MORC1: variants seen among roughly 807,000 people sequenced by gnomAD.
The protein encoded by MORC1 is MORC family CW-type zinc finger protein 1.
Under a neutral mutation model 134.9 loss-of-function variants are expected in MORC1, and 59 were observed. That is an observed-to-expected ratio of 0.44 (90% CI 0.35 to 0.54). MORC1 has a LOEUF of 0.54. MORC1 is among the 20% of genes least tolerant of loss of function. The probability of loss-of-function intolerance (pLI) is 0.00; values close to 1 mark genes in which losing one functional copy is unlikely to be tolerated. For synonymous variants in MORC1, 395 were observed against 391.7 expected (o/e 1.01, Z -0.10); for missense variants, 947 against 1,134.5 (o/e 0.83, Z 2.37).
At chr3:108,999,517 G>C (rs1948336084) in intron 21 of MORC1, among the ~76,000 whole-genome samples, 1 of 152,114 alleles carries the variant, frequency 6.6e-6, no homozygotes, top group South Asian at 2.1e-4. Context: ...TAACTTTCTG[G>C]TGAAGGACAT....
At chr3:108,978,589 C>T (rs1345960009) in intron 24 of MORC1, among the ~76,000 whole-genome samples, 1 of 152,148 alleles carries the variant, frequency 6.6e-6, no homozygotes, top group South Asian at 2.1e-4. Context: ...AGTCTCCTCT[C>T]ATAAACAGGA....
intron 6 of MORC1, among the ~76,000 whole-genome samples, chr3:109,096,264 G>T (rs1162921077): frequency 6.6e-6 from 1 of 152,172 alleles, no homozygotes; most frequent in Non-Finnish European, 1.5e-5. Flanking sequence ...AACAGGGGCT[G>T]GGTCAAATAA....
intron 21 of MORC1, among the ~76,000 whole-genome samples, chr3:108,998,380 C>T (rs558178934): frequency 1.2e-4 from 18 of 152,266 alleles, no homozygotes; most frequent in Non-Finnish European, 1.9e-4. Flanking sequence ...TAGTTTCTTA[C>T]ACCTAAAAAT....
chr3:109,001,577 C>T (rs1299651371), intron 20 of MORC1, among the ~76,000 whole-genome samples: 3 of 152,160 alleles, frequency 2.0e-5, no homozygotes, highest in Non-Finnish European at 2.9e-5. Flanking sequence ...CTTCAAATCA[C>T]CCTTTTCCCC....
At chr3:109,027,956 A>C (rs1949124946) in intron 16 of MORC1, 67 bp from the exon 17 acceptor site, 3 of 1,506,920 alleles carry the variant, frequency 2.0e-6, no homozygotes, top group Non-Finnish European at 2.7e-6. Flanking sequence ...TCTGTAAAAG[A>C]CGATTTACTT....
rs536909286 is a variant in MORC1, at chr3:109,105,400, G to A, written c.155-1483C>T. ...TAGCTGGGTGTGGTGGCGTGTGCCT[G>A]TAGTCCCAGCTACTCTGGAGGCTAA... On this transcript the variant is annotated intron_variant, in intron 3 of 27. Transcript: ENST00000232603. 3.9e-5 allele frequency among the ~76,000 whole-genome samples: 6 copies of A among 152,284 alleles called. No homozygotes were observed. In the East Asian group the frequency reaches 1.2e-3, roughly 29 times the overall value.
At chr3:109,040,937 T>C (rs1008557539) in intron 14 of MORC1, among the ~76,000 whole-genome samples, 5 of 133,014 alleles carry the variant, frequency 3.8e-5, no homozygotes, top group African/African-American at 9.1e-5. Flanking sequence ...AAAAAGAAAA[T>C]AGAAATTATG....
At chr3:109,043,188 TGG>T (rs112162969) in intron 14 of MORC1, among the ~76,000 whole-genome samples, 3,202 of 55,526 alleles carry the variant, frequency 0.058, 57 homozygotes, top group Admixed American at 0.096. Flanking sequence ...TGGCAAAATG[TGG>T]GGGGGGGGGG....
At chr3:109,007,647 AC>A (rs1172135665) in intron 17 of MORC1, among the ~76,000 whole-genome samples, 1 of 151,916 alleles carries the variant, frequency 6.6e-6, no homozygotes, top group African/African-American at 2.4e-5. Flanking sequence ...AATTCCACTC[AC>A]CCTTCAAGTC....
intron 23 of MORC1, among the ~76,000 whole-genome samples, chr3:108,983,822 C>G (rs901649927): frequency 2.6e-5 from 4 of 152,054 alleles, no homozygotes; most frequent in African/African-American, 9.7e-5. Flanking sequence ...ATATGAGTTG[C>G]TGAGGGCATT....
At chr3:109,048,351 A>T (rs1949743974) in intron 14 of MORC1, among the ~76,000 whole-genome samples, 1 of 152,222 alleles carries the variant, frequency 6.6e-6, no homozygotes, top group Non-Finnish European at 1.5e-5. Flanking sequence ...TTACTTTTAG[A>T]AATGAATGCT....
chr3:109,082,884 A>T (rs2107737053), intron 8 of MORC1, among the ~76,000 whole-genome samples: 1 of 152,240 alleles, frequency 6.6e-6, no homozygotes, highest in East Asian at 1.9e-4. Flanking sequence ...ATAACAGAAA[A>T]TTTTCCCAAA....
chr3:109,099,176 G>C (rs942989799), intron 6 of MORC1, among the ~76,000 whole-genome samples, 182 bp downstream of exon 6: 4 of 152,248 alleles, frequency 2.6e-5, no homozygotes, highest in Middle Eastern at 3.4e-3. Flanking sequence ...CTCAGGAAAG[G>C]GTCAAGAGGA....
At chr3:108,995,980 G>A (rs375617460) in intron 21 of MORC1, among the ~76,000 whole-genome samples, 1 of 152,210 alleles carries the variant, frequency 6.6e-6, no homozygotes, top group South Asian at 2.1e-4. Flanking sequence ...TTCATGTAGG[G>A]GACAGTTATG....
chr3:109,009,209 T>TG (rs1455329532), intron 17 of MORC1, among the ~76,000 whole-genome samples: 2 of 140,498 alleles, frequency 1.4e-5, no homozygotes, highest in East Asian at 2.0e-4. Context: ...TTTTTGTTGT[T>TG]TTTTTTTTTT....
intron 17 of MORC1, among the ~76,000 whole-genome samples, chr3:109,009,210 T>C (rs570407265): frequency 6.9e-6 from 1 of 145,362 alleles, no homozygotes; most frequent in African/African-American, 2.6e-5. Context: ...TTTTGTTGTT[T>C]TTTTTTTTTT....
At chr3:109,091,533 A>G (rs1243042812) in intron 8 of MORC1, among the ~76,000 whole-genome samples, 1 of 152,088 alleles carries the variant, frequency 6.6e-6, no homozygotes, top group Non-Finnish European at 1.5e-5. Context: ...AGGAGACAGT[A>G]GGTCAAAATC....
At chr3:109,112,290 A>C (rs1394894387) in intron 2 of MORC1, among the ~76,000 whole-genome samples, 1 of 152,208 alleles carries the variant, frequency 6.6e-6, no homozygotes, top group Non-Finnish European at 1.5e-5. Flanking sequence ...ATATCACCAC[A>C]CATTCTTCTT....
chr3:109,093,619 A>G lies in MORC1; in HGVS notation c.584-78T>C, dbSNP rs547454127. 30 of 1,050,586 alleles carry G rather than the reference A, an allele frequency of 2.9e-5. No individual in the cohort carries two copies. In the East Asian group the frequency reaches 6.5e-4, roughly 23 times the overall value. 65.1% of individuals were successfully genotyped at this position (1,050,586 alleles called of 1,614,324 possible). ...TAGTCATTGTGCTATCATTTCATCTATGGAACTGAGTCTGCTATAAAATTT... is the reference window on the plus strand; with the variant it reads ...TAGTCATTGTGCTATCATTTCATCTGTGGAACTGAGTCTGCTATAAAATTT... On this transcript the variant is annotated intron_variant, in intron 7 of 27. Coordinates refer to ENST00000232603, the MANE Select transcript of MORC1 (RefSeq NM_014429.4).
Sources: gnomAD v4.1 joint callset for allele counts (sites outside exome capture counted in the v4.1 genomes callset) on GRCh38, gnomAD v4.1.1 for gene constraint, MANE v1.5 for transcripts, NCBI Gene and HGNC (gene_info 2026-07-23, HGNC 2026-07-21) for gene names.